PHF14: variants seen among roughly 807,000 people sequenced by gnomAD.
PHF14 encodes the protein PHD finger protein 14.
Under a neutral mutation model 117.9 loss-of-function variants are expected in PHF14, and 55 were observed. The observed-to-expected ratio is 0.47, with a 90% CI of 0.38 to 0.58. PHF14 has a LOEUF of 0.58. Ranked by LOEUF, PHF14 falls within the 20% of genes least tolerant of loss-of-function variation. The pLI, the probability that PHF14 is intolerant of heterozygous loss-of-function variation, is 0.00. For missense variants in PHF14, 978 were observed against 1,122.2 expected (o/e 0.87, Z 1.84); for synonymous variants, 409 against 368.6 (o/e 1.11, Z -1.26).
intron 17 of PHF14, among the ~76,000 whole-genome samples, chr7:11,167,838 G>A (rs1789245801): frequency 1.3e-5 from 2 of 152,088 alleles, no homozygotes; most frequent in African/African-American, 4.8e-5. Flanking sequence ...GACCATCCTG[G>A]CTAACACGGT....
chr7:11,168,357 C>CT (rs1365165032), intron 17 of PHF14, among the ~76,000 whole-genome samples: 1 of 152,028 alleles, frequency 6.6e-6, no homozygotes, highest in Non-Finnish European at 1.5e-5. Context: ...TATAAAAAAG[C>CT]TTTTTTCACC....
At chr7:11,011,384 T>A (rs1406766754) in intron 4 of PHF14, among the ~76,000 whole-genome samples, 1 of 152,226 alleles carries the variant, frequency 6.6e-6, no homozygotes, top group Non-Finnish European at 1.5e-5. Context: ...AATCACATGA[T>A]CTTACATTGG....
intron 4 of PHF14, among the ~76,000 whole-genome samples, chr7:11,004,696 T>C (rs1783017556): frequency 6.6e-6 from 1 of 150,886 alleles, no homozygotes; most frequent in Non-Finnish European, 1.5e-5. Flanking sequence ...TTTTTTTTTG[T>C]AAGAGTATTG....
At chr7:11,003,288 A>T (rs1782948370) in intron 4 of PHF14, among the ~76,000 whole-genome samples, 3 of 152,158 alleles carry the variant, frequency 2.0e-5, no homozygotes, top group Admixed American at 1.3e-4. Flanking sequence ...ACTCTCTGAG[A>T]TCCCATACCC....
chr7:11,056,072 T>C (rs2128327906), intron 14 of PHF14, among the ~76,000 whole-genome samples: 1 of 152,308 alleles, frequency 6.6e-6, no homozygotes, highest in East Asian at 1.9e-4. Context: ...ATAAAACCTC[T>C]ATCTGTCATA....
chr7:10,991,276 G>T (rs1225388363), intron 4 of PHF14, among the ~76,000 whole-genome samples: 1 of 152,110 alleles, frequency 6.6e-6, no homozygotes, highest in Non-Finnish European at 1.5e-5. Flanking sequence ...CGCCTCCTGG[G>T]TTCAAACTAT....
At chr7:11,131,851 C>G (rs1253024162) in intron 17 of PHF14, among the ~76,000 whole-genome samples, 2 of 151,690 alleles carry the variant, frequency 1.3e-5, no homozygotes, top group Admixed American at 6.6e-5. Flanking sequence ...CTCATTCTTT[C>G]TTTTTGACAT....
rs896449850 is a variant in PHF14, at chr7:11,061,774, T to C, written c.2482-17T>C. 7 of 1,494,826 alleles carry C rather than the reference T, an allele frequency of 4.7e-6. No homozygotes were observed. Among genetic ancestry groups the C allele is most frequent in the Non-Finnish European group, 6.2e-6 (7 of 1,127,120 alleles). 92.6% of individuals were successfully genotyped at this position (1,494,826 alleles called of 1,614,324 possible). On this transcript the variant is annotated splice_polypyrimidine_tract_variant and intron_variant, in intron 14 of 17. Coordinates refer to ENST00000634607, the MANE Select transcript of PHF14 (RefSeq NM_001007157.2). ...TGTGGATTTTTGTTTTTTGTTTTTTTTTTTGTTTTTTTCCAGAGAACCAGA... is the reference window on the plus strand; with the variant it reads ...TGTGGATTTTTGTTTTTTGTTTTTTCTTTTGTTTTTTTCCAGAGAACCAGA...
intron 2 of PHF14, among the ~76,000 whole-genome samples, chr7:10,978,831 A>T (rs1038717260): frequency 4.6e-5 from 7 of 152,152 alleles, no homozygotes; most frequent in African/African-American, 1.4e-4. Context: ...TTCCCGTTTG[A>T]GTACCACTGG....
intron 7 of PHF14, among the ~76,000 whole-genome samples, chr7:11,029,386 C>T (rs1784042523): frequency 6.6e-6 from 1 of 152,120 alleles, no homozygotes; most frequent in South Asian, 2.1e-4. Context: ...ACTTACTTTT[C>T]TGAACTCTGT....
At chr7:11,058,572 G>A (rs1583421471) in intron 14 of PHF14, among the ~76,000 whole-genome samples, 1 of 152,254 alleles carries the variant, frequency 6.6e-6, no homozygotes, top group African/African-American at 2.4e-5. Context: ...AAGTTAGTAT[G>A]TAGTATGGAG....
At chr7:11,157,700 C>T (rs1195141456) in intron 17 of PHF14, among the ~76,000 whole-genome samples, 2 of 152,132 alleles carry the variant, frequency 1.3e-5, no homozygotes, top group Non-Finnish European at 2.9e-5. Flanking sequence ...CGTTTAAAAA[C>T]ATGACAATGA....
At chr7:11,081,444 A>G (rs746575407) in intron 16 of PHF14, among the ~76,000 whole-genome samples, 1 of 152,342 alleles carries the variant, frequency 6.6e-6, no homozygotes, top group Non-Finnish European at 1.5e-5. Flanking sequence ...AAGAGTGGTT[A>G]AATAAATTAA....
chr7:11,005,904 C>T (rs980391761), intron 4 of PHF14, among the ~76,000 whole-genome samples: 2 of 150,638 alleles, frequency 1.3e-5, no homozygotes, highest in Non-Finnish European at 3.0e-5. Context: ...GCGATTCTCC[C>T]GCCTCAGCCT....
chr7:11,074,543 C>T (rs1785754522), intron 16 of PHF14, among the ~76,000 whole-genome samples: 1 of 152,260 alleles, frequency 6.6e-6, no homozygotes, highest in East Asian at 1.9e-4. Context: ...TTTCCTTGCT[C>T]CTGTATCGAT....
intron 16 of PHF14, among the ~76,000 whole-genome samples, chr7:11,066,558 T>C (rs1785431161): frequency 6.6e-6 from 1 of 152,238 alleles, no homozygotes; most frequent in Admixed American, 6.5e-5. Context: ...AGTTTTGGCT[T>C]TTATATTTTA....
chr7:11,141,540 T>G (rs1788397141), intron 17 of PHF14, among the ~76,000 whole-genome samples: 1 of 152,058 alleles, frequency 6.6e-6, no homozygotes, highest in East Asian at 1.9e-4. Context: ...AGTAAAAATG[T>G]TTTCTCATTG....
chr7:11,092,236 C>T (rs1259779654), intron 16 of PHF14, among the ~76,000 whole-genome samples: 1 of 152,160 alleles, frequency 6.6e-6, no homozygotes, highest in Admixed American at 6.5e-5. Context: ...ACCTTCATCC[C>T]AGCTAAATTT....
intron 12 of PHF14, among the ~76,000 whole-genome samples, chr7:11,041,900 A>T (rs973954673): frequency 1.7e-4 from 25 of 147,816 alleles, no homozygotes; most frequent in East Asian, 7.8e-4. Context: ...AGGAGTATTT[A>T]AAAAAAAAAC....
Sources: gnomAD v4.1 joint callset for allele counts (sites outside exome capture counted in the v4.1 genomes callset) on GRCh38, gnomAD v4.1.1 for gene constraint, MANE v1.5 for transcripts, NCBI Gene and HGNC (gene_info 2026-07-23, HGNC 2026-07-21) for gene names.